ACOT9: variants seen among roughly 807,000 people sequenced by gnomAD.
ACOT9 encodes the protein acyl-CoA thioesterase 9.
ACOT9 carries 34 observed loss-of-function variants against 39.7 expected under a neutral mutation model. The observed-to-expected ratio is 0.86, with a 90% confidence interval of 0.65 to 1.14. ACOT9 has a LOEUF of 1.14. Ranked by LOEUF, ACOT9 falls within the 50% of genes most tolerant of loss-of-function variation. The pLI is 0.00. For missense variants in ACOT9, 313 were observed against 344.1 expected, an observed-to-expected ratio of 0.91 and a Z score of 0.71; for synonymous variants, 110 against 120.5, an observed-to-expected ratio of 0.91 and a Z score of 0.57.
chrX:23,717,146 G>T (rs1455282357), intron 8 of ACOT9, among the ~76,000 whole-genome samples: 1 of 109,970 alleles, frequency 9.1e-6, no homozygotes, highest in African/African-American at 3.3e-5. Context: ...TGGCCACCAC[G>T]CCCAGCCAGT....
At chrX:23,725,470 CAA>C (rs34682904) in intron 6 of ACOT9, among the ~76,000 whole-genome samples, 2 of 48,936 alleles carry the variant, frequency 4.1e-5, no homozygotes, top group African/African-American at 8.6e-5. Context: ...GACTCTGTCT[CAA>C]AAAAAAAAAA....
chrX:23,743,251 T>C lies in ACOT9; in HGVS notation c.-107A>G. 2.0e-6 allele frequency: 2 copies of C among 997,877 alleles called. No individual in the cohort carries two copies. The highest frequency in any genetic ancestry group is 5.4e-5 in the South Asian group (2 of 37,284). The allele number at this position is 997,877 out of a possible 1,213,427, so 82.2% of individuals were successfully genotyped here. A position where few individuals can be genotyped will look rare whatever the true frequency, so the allele number is the denominator to read the frequency against. ...CACGAGTACCAGACCGCGCCCTTGC[T>C]GAGGACAGCCCGGGAGCCGGACAGC... On this transcript the variant is annotated 5_prime_UTR_variant, in exon 1 of 16. Transcript: ENST00000379303.
intron 15 of ACOT9, 101 bp downstream of exon 15, chrX:23,704,593 T>G (rs775102582): frequency 1.1e-6 from 1 of 950,809 alleles, no homozygotes; most frequent in East Asian, 3.1e-5. Flanking sequence ...AGACATGCTC[T>G]TGTGCTGACA....
At position 23,708,069 on chromosome X, in the gene ACOT9, C is replaced by T. The variant is rs763172968; in HGVS notation, c.663-125G>A. 52 of 546,823 alleles carry T rather than the reference C, an allele frequency of 9.5e-5. No homozygotes were observed. The African/African-American group carries it at 1.1e-3, about 11-fold the overall frequency. 45.1% of individuals were successfully genotyped at this position (546,823 alleles called of 1,213,427 possible). A position where few individuals can be genotyped will look rare whatever the true frequency, so the allele number is the denominator to read the frequency against. On this transcript the variant is annotated intron_variant, in intron 9 of 15. Transcript: ENST00000379303. ...CATTTTGGGTAGTGCTTACTGCTTG[C>T]CTTACATGTGAACGCTGGAACAATT...
At chrX:23,707,004 C>T (rs746828478) in intron 10 of ACOT9, 21 of 214,466 alleles carry the variant, frequency 9.8e-5, no homozygotes, top group African/African-American at 4.4e-4. Flanking sequence ...TTCATTAAAA[C>T]GGAGAAAACA....
chrX:23,725,470 C>CAAAAA (rs34682904), intron 6 of ACOT9, among the ~76,000 whole-genome samples: 3 of 48,928 alleles, frequency 6.1e-5, no homozygotes, highest in East Asian at 7.3e-4. Flanking sequence ...GACTCTGTCT[C>CAAAAA]AAAAAAAAAA....
At position 23,733,215 on chromosome X, in the gene ACOT9, G is replaced by A. The variant is rs745706448; in HGVS notation, c.148C>T (p.Arg50Ter). ...CCTACTATCTCCCGCAACTTATCTC[G>A]AACTGAAACAAAAATAAAGAGGTCA... ...ACSSIHVNHVRDKLREIVGAS... is the reference protein window; with the variant it reads ...ACSSIHVNHV The change falls in exon 4 of 16, where the codon CGA becomes TGA. Residue 50 changes from arginine (R) to a stop codon, truncating the protein, a stop_gained and splice_region_variant. Transcript: ENST00000379303. LOFTEE classifies it high-confidence loss of function. 1.3e-5 allele frequency: 16 copies of A among 1,204,025 alleles called. No homozygotes were observed. Among genetic ancestry groups the A allele is most frequent in the South Asian group, 8.9e-5 (5 of 56,397 alleles).
At chrX:23,727,585 A>G (rs1929578880) in intron 6 of ACOT9, among the ~76,000 whole-genome samples, 1 of 110,086 alleles carries the variant, frequency 9.1e-6, no homozygotes, top group Non-Finnish European at 1.9e-5. Flanking sequence ...TCGATCTCCC[A>G]AAGTGCAAGG....
At chrX:23,730,424 A>C (rs1929693971) in intron 6 of ACOT9, 103 bp downstream of exon 6, 2 of 669,378 alleles carry the variant, frequency 3.0e-6, no homozygotes, top group Non-Finnish European at 4.7e-6. Context: ...ACTTTAGAAT[A>C]TCATCATCTG....
chrX:23,731,159 C>T (rs748085705), intron 4 of ACOT9, among the ~76,000 whole-genome samples, 173 bp from the exon 5 acceptor site: 1 of 111,950 alleles, frequency 8.9e-6, no homozygotes, highest in Non-Finnish European at 1.9e-5. Context: ...TTGATCATTT[C>T]CGGTATCATT....
chrX:23,734,700 C>G (rs2146855198), intron 2 of ACOT9, among the ~76,000 whole-genome samples: 1 of 111,289 alleles, frequency 9.0e-6, no homozygotes, highest in South Asian at 3.7e-4. Flanking sequence ...GTAACTTAGT[C>G]TTATTTCTGA....
intron 6 of ACOT9, among the ~76,000 whole-genome samples, chrX:23,728,887 C>T (rs769863711): frequency 9.0e-6 from 1 of 111,528 alleles, no homozygotes; most frequent in South Asian, 3.7e-4. Flanking sequence ...ATAATGGGGA[C>T]ACATCAAAGA....
At chrX:23,732,356 C>T (rs1454446241) in intron 4 of ACOT9, among the ~76,000 whole-genome samples, 10 of 111,802 alleles carry the variant, frequency 8.9e-5, no homozygotes, top group Non-Finnish European at 1.5e-4. Context: ...TGGAGATAAG[C>T]GAAGGCTGGT....
rs974167460 is a variant in ACOT9, at chrX:23,702,156, T to A, written c.*1738A>T. Reference sequence around the variant, plus strand: ...GTGAACACTAATGTAGAACCCACAATAAATATTGCTTCCTTCTTGGGAGGA... The same window carrying A: ...GTGAACACTAATGTAGAACCCACAAAAAATATTGCTTCCTTCTTGGGAGGA... On this transcript the variant is annotated 3_prime_UTR_variant, in exon 16 of 16. Transcript: ENST00000379303. 4 of 110,808 alleles carry A rather than the reference T, an allele frequency of 3.6e-5. No homozygotes were observed. Among genetic ancestry groups the A allele is most frequent in the Non-Finnish European group, 7.6e-5 (4 of 52,953 alleles). The allele number at this position is 110,808 out of a possible 1,213,427, so 9.1% of individuals were successfully genotyped here.
At chrX:23,729,108 G>T (rs923380982) in intron 6 of ACOT9, among the ~76,000 whole-genome samples, 2 of 111,472 alleles carry the variant, frequency 1.8e-5, no homozygotes, top group Non-Finnish European at 3.8e-5. Context: ...TTACAAAGGG[G>T]AAAAGAGTAA....
At chrX:23,707,015 G>A in intron 10 of ACOT9, 1 of 201,935 alleles carries the variant, frequency 5.0e-6, no homozygotes. Flanking sequence ...GGAGAAAACA[G>A]GCCAGGTGCA....
rs1370550387 is a variant in ACOT9 at position 23,703,851 on chromosome X, G to A, written c.*43C>T. 6 of 1,084,136 alleles carry A rather than the reference G, an allele frequency of 5.5e-6. No homozygotes were observed. The highest frequency in any genetic ancestry group is 2.2e-5 in the Admixed American group (1 of 44,891). 89.3% of individuals were successfully genotyped at this position (1,084,136 alleles called of 1,213,427 possible). A position where few individuals can be genotyped will look rare whatever the true frequency, so the allele number is the denominator to read the frequency against. On this transcript the variant is annotated 3_prime_UTR_variant, in exon 16 of 16. Transcript: ENST00000379303. ...CGATCAGGTCTTCATCAGATACCAC[G>A]TCACTGTGGGTAGAGTGCTAGTTTT...
chrX:23,704,053 C>T, intron 15 of ACOT9, 71 bp from the exon 16 acceptor site: 1 of 886,798 alleles, frequency 1.1e-6, no homozygotes. Context: ...ATCATACAAA[C>T]ACAAGACTAC....
intron 2 of ACOT9, among the ~76,000 whole-genome samples, chrX:23,734,981 C>CAAAAAAAAAAA: frequency 3.4e-5 from 1 of 29,761 alleles, no homozygotes; most frequent in Non-Finnish European, 5.2e-5. Context: ...GACTTCATCT[C>CAAAAAAAAAAA]AAAAAAAAAA....
Sources: allele counts gnomAD v4.1 joint callset (sites outside exome capture counted in the v4.1 genomes callset), GRCh38; gene constraint gnomAD v4.1.1; transcripts MANE v1.5; gene names NCBI Gene and HGNC (gene_info 2026-07-23, HGNC 2026-07-21).